The following AP2A2 variants were observed in gnomAD, a reference collection of about 807,000 sequenced individuals.
AP2A2 encodes the protein AP-2 complex subunit alpha-2.
Under a neutral mutation model 104.2 loss-of-function variants are expected in AP2A2, and 32 were observed. That is an observed-to-expected ratio of 0.31 (90% CI 0.23 to 0.41). The LOEUF is 0.41. Ranked by LOEUF, AP2A2 falls within the 10% of genes least tolerant of loss-of-function variation. The pLI, the probability that AP2A2 is intolerant of heterozygous loss-of-function variation, is 1.00. For missense variants in AP2A2, 912 were observed against 1,261.0 expected, an observed-to-expected ratio of 0.72 and a Z score of 4.19; for synonymous variants, 539 against 533.3, an observed-to-expected ratio of 1.01 and a Z score of -0.15.
chr11:926,948 C>T (rs772245647), intron 1 of AP2A2, among the ~76,000 whole-genome samples: 8 of 152,226 alleles, frequency 5.3e-5, no homozygotes, highest in Non-Finnish European at 1.0e-4. Flanking sequence ...TGTGCAGAAC[C>T]TCCTCTTGGC....
chr11:941,227 C>T (rs749595492), intron 1 of AP2A2, among the ~76,000 whole-genome samples: 2 of 152,154 alleles, frequency 1.3e-5, no homozygotes, highest in Middle Eastern at 3.2e-3. Flanking sequence ...CTTAATTTGT[C>T]TTCCCTCCTG....
intron 2 of AP2A2, among the ~76,000 whole-genome samples, chr11:961,863 G>A (rs1374426985): frequency 2.1e-5 from 3 of 139,712 alleles, no homozygotes; most frequent in Non-Finnish European, 4.6e-5. Flanking sequence ...TGACAGAGTC[G>A]CCGCCACCAG....
In AP2A2 at chr11:994,243, G is replaced by T. The variant is rs532594367; in HGVS notation, c.1954G>T (p.Val652Leu). Residue 652 changes from valine (V) to leucine (L), a missense_variant and splice_region_variant, in exon 14 of 22, where the codon GTG (valine) becomes TTG (leucine). Transcript: ENST00000448903. Reference protein sequence around the residue: ...PEPAPASTSAVSTPSPSADLL... With the variant: ...PEPAPASTSALSTPSPSADLL... ...GCCTGCCCCAGCCAGTACCAGCGCC[G>T]TGGTGGGTCCCTCACCTACTGTGCA... The T allele has an allele frequency of 9.3e-6, 15 of 1,612,656 alleles. No homozygotes were observed. The South Asian group carries it at 1.1e-4, about 12-fold the overall frequency.
chr11:1,006,414 C>A, intron 16 of AP2A2, 114 bp from the exon 17 acceptor site: 1 of 779,524 alleles, frequency 1.3e-6, no homozygotes, highest in Non-Finnish European at 2.1e-6. Flanking sequence ...TCATACATCA[C>A]AACAGTGAAC....
At chr11:981,372 A>G (rs1250671907) in intron 6 of AP2A2, 73 bp downstream of exon 6, 3 of 1,249,496 alleles carry the variant, frequency 2.4e-6, no homozygotes, top group African/African-American at 1.5e-5. Context: ...GCTTATTTGT[A>G]GAATGCAAGG....
intron 2 of AP2A2, among the ~76,000 whole-genome samples, chr11:959,774 A>G (rs1028556321): frequency 3.9e-5 from 6 of 152,146 alleles, no homozygotes; most frequent in Non-Finnish European, 8.8e-5. Context: ...CCACCAGGCC[A>G]GCGTGCTGGG....
At chr11:931,158 A>G (rs1853279801) in intron 1 of AP2A2, among the ~76,000 whole-genome samples, 2 of 152,312 alleles carry the variant, frequency 1.3e-5, no homozygotes, top group Middle Eastern at 3.4e-3. Flanking sequence ...TTTCCCCCTC[A>G]GTACAGTCCC....
intron 1 of AP2A2, among the ~76,000 whole-genome samples, chr11:959,049 A>G (rs1854334805): frequency 6.6e-6 from 1 of 152,142 alleles, no homozygotes; most frequent in Admixed American, 6.6e-5. Context: ...TTAGGAGTAA[A>G]CCTCCGTGTT....
rs551186483 is a variant in AP2A2, at chr11:948,120, C to T, written c.68-11317C>T. Among the ~76,000 whole-genome samples, 17 of 151,998 alleles carry T rather than the reference C, an allele frequency of 1.1e-4. No homozygotes were observed. The South Asian group carries it at 1.2e-3, about 11-fold the overall frequency. ...TCACCTTAAGACACCAGAAAAAGCA[C>T]GAACAAAACCTAAAACAAGAAGGAA... is the stretch of plus-strand genomic sequence containing the variant. On this transcript the variant is annotated intron_variant, in intron 1 of 21. Transcript: ENST00000448903.
At chr11:959,696 G>C (rs1023805588) in intron 2 of AP2A2, among the ~76,000 whole-genome samples, 191 bp downstream of exon 2, 1 of 152,146 alleles carries the variant, frequency 6.6e-6, no homozygotes, top group Non-Finnish European at 1.5e-5. Flanking sequence ...AGCCCCTCCT[G>C]GTGTCTGGTC....
intron 1 of AP2A2, among the ~76,000 whole-genome samples, chr11:944,151 G>T (rs766186835): frequency 6.6e-6 from 1 of 152,236 alleles, no homozygotes; most frequent in Non-Finnish European, 1.5e-5. Flanking sequence ...CGACAGGATG[G>T]ATGTGATGGG....
In AP2A2 at chr11:968,664, C is replaced by T. The variant is rs549492246; in HGVS notation, c.137-1505C>T. Among the ~76,000 whole-genome samples, 3 of 152,166 alleles carry T rather than the reference C, an allele frequency of 2.0e-5. No individual in the cohort carries two copies. Among genetic ancestry groups the T allele is most frequent in the South Asian group, 2.1e-4 (1 of 4,808 alleles). ...GGTAGGAGACACGGTGCTGGGGCTTCCCAGTGGAGGATCTCTGCTGCGCAG... is the reference window on the plus strand; with the variant it reads ...GGTAGGAGACACGGTGCTGGGGCTTTCCAGTGGAGGATCTCTGCTGCGCAG... On this transcript the variant is annotated intron_variant, in intron 2 of 21. Coordinates refer to ENST00000448903, the MANE Select transcript of AP2A2 (RefSeq NM_012305.4). The surrounding 1 kb of genome is among the most constrained non-coding windows in gnomAD (Gnocchi z 4.2).
chr11:940,547 C>T lies in AP2A2; in HGVS notation c.67+14459C>T, dbSNP rs372054133. ...TTAATTTCTGCTGTCAGTTTTATAGCTTGAGAGCTTTCTCATGACCCAAGT... is the reference window on the plus strand; with the variant it reads ...TTAATTTCTGCTGTCAGTTTTATAGTTTGAGAGCTTTCTCATGACCCAAGT... On this transcript the variant is annotated intron_variant, in intron 1 of 21. Coordinates refer to ENST00000448903, the MANE Select transcript of AP2A2 (RefSeq NM_012305.4). Among the ~76,000 whole-genome samples the T allele has an allele frequency of 2.0e-5, 3 of 152,338 alleles. No individual in the cohort carries two copies. The East Asian group carries it at 5.8e-4, about 29-fold the overall frequency.
At chr11:974,117 T>C (rs978082525) in intron 4 of AP2A2, among the ~76,000 whole-genome samples, 1 of 151,712 alleles carries the variant, frequency 6.6e-6, no homozygotes, top group African/African-American at 2.4e-5. Context: ...AGGTGGCCAG[T>C]GCACAGCATC....
intron 10 of AP2A2, among the ~76,000 whole-genome samples, chr11:990,725 T>C (rs28394412): frequency 0.7 from 84,586 of 120,284 alleles, 29,845 homozygotes; most frequent in Admixed American, 0.78. Context: ...TCCTTTCAGC[T>C]GGGCATGGTG....
chr11:945,305 T>A (rs577769590), intron 1 of AP2A2, among the ~76,000 whole-genome samples: 57 of 152,212 alleles, frequency 3.7e-4, no homozygotes, highest in Admixed American at 1.5e-3. Context: ...GTGGGCTGTT[T>A]AAGTATTTTA....
At chr11:966,343 A>C (rs1055193687) in intron 2 of AP2A2, among the ~76,000 whole-genome samples, 42 of 152,258 alleles carry the variant, frequency 2.8e-4, no homozygotes, top group Middle Eastern at 3.4e-3. Flanking sequence ...CTAAAAGTAC[A>C]AAAAATTAGC....
At chr11:984,775 C>T in intron 7 of AP2A2, 22 bp downstream of exon 7, 1 of 1,549,072 alleles carries the variant, frequency 6.5e-7, no homozygotes, top group East Asian at 2.2e-5. Context: ...GCCGCGGCTC[C>T]TGAAGCTGCA....
Position 1,009,679 on chromosome 11 carries a change from A to G in AP2A2, c.2608-4A>G, listed in dbSNP as rs1334906338. 1.3e-6 allele frequency: 2 copies of G among 1,569,116 alleles called. No individual in the cohort carries two copies. The highest frequency in any genetic ancestry group is 1.7e-6 in the Non-Finnish European group (2 of 1,154,928). On this transcript the variant is annotated splice_polypyrimidine_tract_variant and splice_region_variant and intron_variant, in intron 20 of 21. Transcript: ENST00000448903. ...GGTCCTCATTCTCCTGTTTCTTTGG[A>G]CAGATCATTGGATTTGGTTCTGCAC...
Sources: gnomAD v4.1 joint callset for allele counts (sites outside exome capture counted in the v4.1 genomes callset) on GRCh38, gnomAD v4.1.1 for gene constraint, Gnocchi (gnomAD v3.1) non-coding constraint, MANE v1.5 for transcripts, NCBI Gene and HGNC (gene_info 2026-07-23, HGNC 2026-07-21) for gene names.